The following LAMA3 variants were observed in gnomAD, a reference collection of about 807,000 sequenced individuals.
LAMA3 encodes laminin subunit alpha 3.
A neutral mutation model predicts 402.0 loss-of-function variants in LAMA3; 281 were observed. That is an observed-to-expected ratio of 0.70 (90% confidence interval 0.63 to 0.77). The LOEUF (loss-of-function observed/expected upper bound fraction) is 0.77, where lower values mean the gene tolerates loss of function less well. Among genes scored for constraint, LAMA3 ranks in the 30% least tolerant of loss-of-function variants. The pLI, the probability that LAMA3 is intolerant of heterozygous loss-of-function variation, is 0.00. For missense variants in LAMA3, 3,840 were observed against 4,215.5 expected (o/e 0.91, Z 2.47); for synonymous variants, 1,431 against 1,558.4 (o/e 0.92, Z 1.93).
At chr18:23,809,094 G>A (rs2063019078) in intron 12 of LAMA3, among the ~76,000 whole-genome samples, 1 of 152,118 alleles carries the variant, frequency 6.6e-6, no homozygotes, top group Non-Finnish European at 1.5e-5. Flanking sequence ...GGGGGACTTG[G>A]GTAATTAGAA....
At chr18:23,702,192 A>G (rs2060803228) in intron 1 of LAMA3, among the ~76,000 whole-genome samples, 1 of 152,038 alleles carries the variant, frequency 6.6e-6, no homozygotes, top group Admixed American at 6.5e-5. Flanking sequence ...AGCAAGGAGA[A>G]TGTGTGAAAT....
In LAMA3 at chr18:23,901,202, C is replaced by T. The variant is rs1429232648; in HGVS notation, c.6080C>T (p.Ser2027Phe). 6.2e-7 allele frequency: 1 copy of T among 1,614,086 alleles called. No homozygotes were observed. The highest frequency in any genetic ancestry group is 8.5e-7 in the Non-Finnish European group (1 of 1,180,030). The change falls in exon 48 of 75, where the codon TCT becomes TTT. Residue 2027 changes from serine (S) to phenylalanine (F), a missense_variant. Physicochemically the swap from Ser to Phe is radical, Grantham distance 155 (BLOSUM62 -2). This residue lies in a region of LAMA3 where 891 missense variants were observed against 857.5 expected (regional missense o/e 1.04). Transcript: ENST00000313654. ...NNGLANSIRDSLNEYEAKLSD... is the reference protein window; with the variant it reads ...NNGLANSIRDFLNEYEAKLSD... The stretch of plus-strand genomic sequence containing the variant: ...GGGCTTGCTAACAGTATCCGGGATT[C>T]TTTAAATGAATACGAAGCCAAACTC...
At position 23,816,318 on chromosome 18, in the gene LAMA3, T is replaced by C. The variant is rs139282782; in HGVS notation, c.2048-70T>C. ...ACTGGGATGGTCAGTTTTCCTTTCT[T>C]GTACAGCAGGGGAGGCGCTCAGTGT... On this transcript the variant is annotated intron_variant, in intron 17 of 74. Coordinates refer to ENST00000313654, the MANE Select transcript of LAMA3 (RefSeq NM_198129.4). The C allele has an allele frequency of 1.0e-3, 1,195 of 1,197,652 alleles. 34 individuals carry two copies. The East Asian group carries it at 0.021, about 21-fold the overall frequency. 74.2% of individuals were successfully genotyped at this position (1,197,652 alleles called of 1,614,324 possible).
At chr18:23,929,609 A>G (rs2082104158) in intron 64 of LAMA3, among the ~76,000 whole-genome samples, 1 of 151,738 alleles carries the variant, frequency 6.6e-6, no homozygotes, top group African/African-American at 2.4e-5. Flanking sequence ...GCTCTGTAAT[A>G]TTAGGAAGGC....
chr18:23,752,299 T>G (rs2143591208), intron 5 of LAMA3, among the ~76,000 whole-genome samples: 1 of 152,236 alleles, frequency 6.6e-6, no homozygotes. Context: ...CTGCCACAAA[T>G]GTACCCTACC....
At chr18:23,750,444 T>G (rs1455459022) in intron 4 of LAMA3, among the ~76,000 whole-genome samples, 25 of 138,838 alleles carry the variant, frequency 1.8e-4, no homozygotes, top group Non-Finnish European at 2.7e-4. Context: ...TTTTTTTTTT[T>G]TTTTTTTTTT....
chr18:23,830,190 G>A (rs989502114), intron 23 of LAMA3, among the ~76,000 whole-genome samples: 2 of 152,018 alleles, frequency 1.3e-5, no homozygotes, highest in Non-Finnish European at 2.9e-5. Context: ...CTTTTAAAAC[G>A]TTTTATCCAG....
intron 4 of LAMA3, among the ~76,000 whole-genome samples, chr18:23,750,060 C>A (rs1339351870): frequency 6.6e-6 from 1 of 152,118 alleles, no homozygotes; most frequent in African/African-American, 2.4e-5. Context: ...CTGCATGGAG[C>A]CGATCCTACG....
At chr18:23,724,733 A>G (rs1406520698) in intron 2 of LAMA3, among the ~76,000 whole-genome samples, 2 of 152,200 alleles carry the variant, frequency 1.3e-5, no homozygotes, top group African/African-American at 4.8e-5. Context: ...TCCTATTACT[A>G]TTAATGGCAA....
intron 1 of LAMA3, among the ~76,000 whole-genome samples, chr18:23,694,566 T>C (rs2060649489): frequency 6.6e-6 from 1 of 152,208 alleles, no homozygotes; most frequent in African/African-American, 2.4e-5. Context: ...ATGAGGAAAC[T>C]GAAGCGCACA....
intron 40 of LAMA3, among the ~76,000 whole-genome samples, chr18:23,883,633 C>T (rs1378315854): frequency 6.6e-6 from 1 of 152,212 alleles, no homozygotes; most frequent in Non-Finnish European, 1.5e-5. Context: ...CTGTCTATGT[C>T]TTTGATGCTC....
At chr18:23,857,790 T>A in intron 32 of LAMA3, 54 bp from the exon 33 acceptor site, 1 of 1,612,920 alleles carries the variant, frequency 6.2e-7, no homozygotes, top group Non-Finnish European at 8.5e-7. Flanking sequence ...AGTGAGCACT[T>A]TAAAATTGTG....
Position 23,871,623 on chromosome 18 carries a change from T to C in LAMA3, c.4960T>C (p.Cys1654Arg), listed in dbSNP as rs1388052282. 4 of 1,613,036 alleles carry C rather than the reference T, an allele frequency of 2.5e-6. No homozygotes were observed. Among genetic ancestry groups the C allele is most frequent in the African/African-American group, 1.3e-5 (1 of 74,938 alleles). The change falls in exon 38 of 75, where the codon TGT becomes CGT. Residue 1654 changes from cysteine (C) to arginine (R), a missense_variant. Transcript: ENST00000313654. ...SGRIALAVEI[C>R]ACPPAYAGDS... ...GCGCATAGCACTTGCTGTGGAAATC[T>C]GTGCCTGCCCCCCTGCCTACGCTGG... is the stretch of plus-strand genomic sequence containing the variant.
At chr18:23,903,445 A>G (rs2081139133) in intron 49 of LAMA3, among the ~76,000 whole-genome samples, 1 of 152,244 alleles carries the variant, frequency 6.6e-6, no homozygotes, top group Admixed American at 6.5e-5. Flanking sequence ...AGACTTGATC[A>G]AAACTGACAC....
intron 70 of LAMA3, among the ~76,000 whole-genome samples, chr18:23,947,449 G>A (rs553718448): frequency 5.9e-5 from 9 of 152,232 alleles, no homozygotes; most frequent in East Asian, 3.9e-4. Context: ...AAAGAGCCCC[G>A]GGCTCAAATC....
At chr18:23,901,375 C>T (rs771739065) in intron 48 of LAMA3, 52 bp downstream of exon 48, 12 of 1,483,524 alleles carry the variant, frequency 8.1e-6, no homozygotes, top group Non-Finnish European at 4.7e-6. Flanking sequence ...ATGAGAGAAG[C>T]AGGGATCTTT....
chr18:23,938,146 G>T (rs2082367765), intron 67 of LAMA3, among the ~76,000 whole-genome samples: 2 of 152,100 alleles, frequency 1.3e-5, no homozygotes, highest in African/African-American at 4.8e-5. Context: ...AGTTCTGCCT[G>T]GGTTTCTCTT....
intron 38 of LAMA3, among the ~76,000 whole-genome samples, chr18:23,875,613 G>T (rs2064684302): frequency 6.6e-6 from 1 of 152,118 alleles, no homozygotes; most frequent in Non-Finnish European, 1.5e-5. Context: ...TCCACTGATT[G>T]TGGCATGATT....
At chr18:23,823,062 T>C (rs1341306018) in intron 20 of LAMA3, among the ~76,000 whole-genome samples, 2 of 152,214 alleles carry the variant, frequency 1.3e-5, no homozygotes, top group South Asian at 2.1e-4. Flanking sequence ...AGGATCAAAA[T>C]GTACGCCATC....
Sources: allele counts gnomAD v4.1 joint callset (sites outside exome capture counted in the v4.1 genomes callset), GRCh38; gene constraint gnomAD v4.1.1; regional missense constraint gnomAD v4.1.1; transcripts MANE v1.5; gene names NCBI Gene and HGNC (gene_info 2026-07-23, HGNC 2026-07-21).